The following C2orf72 variants were observed in gnomAD, a reference collection of about 807,000 sequenced individuals.
The protein encoded by C2orf72 is uncharacterized protein C2orf72.
In C2orf72, 16 loss-of-function variants were observed where a neutral mutation model predicts 14.4. The observed-to-expected ratio is 1.11, with a 90% confidence interval of 0.75 to 1.69. C2orf72 has a LOEUF of 1.69. Among genes scored for constraint, C2orf72 ranks in the 40% most tolerant of loss-of-function variants. The pLI, the probability that C2orf72 is intolerant of heterozygous loss-of-function variation, is 0.00. For synonymous variants in C2orf72, 168 were observed against 176.8 expected (o/e 0.95, Z 0.40); for missense variants, 371 against 358.3 (o/e 1.04, Z -0.29).
At chr2:231,046,820 CCTAGATAACTCACTCA>C in intron 2 of C2orf72, 46 bp from the exon 3 acceptor site, 1 of 1,478,732 alleles carries the variant, frequency 6.8e-7, no homozygotes, top group Non-Finnish European at 9.0e-7. Context: ...CCTTTTCCTT[CCTAGATAACTCACTCA>C]CAACCTTTCT....
At chr2:231,042,051 C>T (rs989596418) in intron 2 of C2orf72, among the ~76,000 whole-genome samples, 3 of 152,064 alleles carry the variant, frequency 2.0e-5, no homozygotes, top group Admixed American at 2.0e-4. Flanking sequence ...GGAGACACCT[C>T]GGCAGAGCCC....
chr2:231,041,320 G>T lies in C2orf72; in HGVS notation c.659G>T (p.Gly220Val). Residue 220 changes from glycine to valine, a missense_variant, in exon 2 of 3, where the codon GGC (glycine) becomes GTC (valine). Gly to Val is a moderately radical substitution (Grantham distance 109). Around this residue, in one of 3 missense-constraint regions of C2orf72, gnomAD observed 145 missense variants for 149.4 expected, o/e 0.97. Transcript: ENST00000373640. ...GTGGAAGGAGCCTGGGAGAGGCCAG[G>T]CCTCCCCGGACTGCTAGCCTGCTTT... ...QPVEGAWERPGLPGLLACFSW... is the reference protein window; with the variant it reads ...QPVEGAWERPVLPGLLACFSW... 6.4e-7 allele frequency: 1 copy of T among 1,551,308 alleles called. No homozygotes were observed. The highest frequency in any genetic ancestry group is 8.7e-7 in the Non-Finnish European group (1 of 1,146,802).
At position 231,048,935 on chromosome 2, in the gene C2orf72, G is replaced by C. The variant is rs1046625274; in HGVS notation, c.*1914G>C. 1 of 152,146 alleles carries C rather than the reference G, an allele frequency of 6.6e-6. No homozygotes were observed. The highest frequency in any genetic ancestry group is 1.5e-5 in the Non-Finnish European group (1 of 68,028). The allele number at this position is 152,146 out of a possible 1,614,324, so 9.4% of individuals were successfully genotyped here. A position where few individuals can be genotyped will look rare whatever the true frequency, so the allele number is the denominator to read the frequency against. On this transcript the variant is annotated 3_prime_UTR_variant, in exon 3 of 3. Transcript: ENST00000373640. ...TCTTATTAAAGTTTTCTTATTTAGT[G>C]GGAGAGGGAGCTTTGTTTAAGTTTG...
intron 2 of C2orf72, among the ~76,000 whole-genome samples, chr2:231,041,963 C>T (rs1179537276): frequency 6.6e-6 from 1 of 152,042 alleles, no homozygotes; most frequent in African/African-American, 2.4e-5. Context: ...AGATGTGCAG[C>T]CTTCAGGAGT....
chr2:231,041,532 C>A (rs761980122), intron 2 of C2orf72, 123 bp downstream of exon 2: 1 of 691,852 alleles, frequency 1.4e-6, no homozygotes, highest in Non-Finnish European at 2.4e-6. Flanking sequence ...TTGCCATGTG[C>A]CAGGTGTGGG....
chr2:231,039,123 T>C (rs968237753), intron 1 of C2orf72, among the ~76,000 whole-genome samples: 1 of 151,522 alleles, frequency 6.6e-6, no homozygotes, highest in African/African-American at 2.4e-5. Flanking sequence ...AATTGAATAA[T>C]GAGAACACAT....
Position 231,037,765 on chromosome 2 carries a change from G to A in C2orf72, c.200G>A (p.Gly67Asp). ...FPPEPGAAKP[G>D]GAAAEGAGPG... ...CCGGAGCCAGGCGCGGCCAAGCCGG[G>A]CGGCGCGGCGGCAGAGGGCGCGGGG... Residue 67 changes from glycine to aspartate, a missense_variant, in exon 1 of 3, where the codon GGC becomes GAC. Physicochemically the swap from Gly to Asp is moderately conservative, Grantham distance 94 (BLOSUM62 -1). Transcript: ENST00000373640. The A allele has an allele frequency of 2.0e-6, 2 of 992,836 alleles. No homozygotes were observed. The highest frequency in any genetic ancestry group is 2.4e-6 in the Non-Finnish European group (2 of 836,554). 61.5% of individuals were successfully genotyped at this position (992,836 alleles called of 1,614,324 possible).
chr2:231,045,778 A>G (rs1331536892), intron 2 of C2orf72, among the ~76,000 whole-genome samples: 1 of 152,058 alleles, frequency 6.6e-6, no homozygotes, highest in African/African-American at 2.4e-5. Flanking sequence ...TTGACCTCCC[A>G]AAGTGCTGGG....
intron 1 of C2orf72, 80 bp from the exon 2 acceptor site, chr2:231,041,216 T>C (rs973915217): frequency 1.6e-5 from 17 of 1,034,174 alleles, no homozygotes; most frequent in Non-Finnish European, 2.8e-6. Context: ...TTGGGGCACT[T>C]GATTTGCTAA....
rs186824458 is a variant in C2orf72 at position 231,038,459 on chromosome 2, G to A, written c.634+260G>A. On this transcript the variant is annotated intron_variant, in intron 1 of 2. Transcript: ENST00000373640. ...CTGAGGGGCCGAGTAGAAGGCAGAG[G>A]GAGTGGGTAGAGAGAAGGGATGAAT... Among the ~76,000 whole-genome samples the A allele has an allele frequency of 1.8e-3, 275 of 150,862 alleles. 1 individual carries two copies. Among genetic ancestry groups the A allele is most frequent in the African/African-American group, 6.2e-3 (256 of 41,132 alleles).
rs1693466450 is a variant in C2orf72, at chr2:231,049,676, A to T, written c.*2655A>T. 6.6e-6 allele frequency: 1 copy of T among 152,060 alleles called. No individual in the cohort carries two copies. Among genetic ancestry groups the T allele is most frequent in the African/African-American group, 2.4e-5 (1 of 41,444 alleles). The allele number at this position is 152,060 out of a possible 1,614,324, so 9.4% of individuals were successfully genotyped here. A position where few individuals can be genotyped will look rare whatever the true frequency, so the allele number is the denominator to read the frequency against. ...CTTGAATTGATAATTCTCATATCTA[A>T]TAAAACCAAGAAGTACCTCGTTGAT... On this transcript the variant is annotated 3_prime_UTR_variant, in exon 3 of 3. Transcript: ENST00000373640.
At chr2:231,039,628 T>A (rs114721155) in intron 1 of C2orf72, among the ~76,000 whole-genome samples, 2,713 of 152,246 alleles carry the variant, frequency 0.018, 43 homozygotes, top group Middle Eastern at 0.027. Flanking sequence ...TAGGGTGCAA[T>A]CCATTTTTTT....
At chr2:231,040,260 C>T (rs935081870) in intron 1 of C2orf72, among the ~76,000 whole-genome samples, 1 of 152,214 alleles carries the variant, frequency 6.6e-6, no homozygotes, top group Non-Finnish European at 1.5e-5. Flanking sequence ...CACATGATTT[C>T]GTTCCCTTGT....
Position 231,044,998 on chromosome 2 carries a change from T to G in C2orf72, c.749-1884T>G, listed in dbSNP as rs536821917. Among the ~76,000 whole-genome samples the G allele has an allele frequency of 1.7e-4, 25 of 149,166 alleles. No individual in the cohort carries two copies. In the Middle Eastern group the frequency reaches 0.011, roughly 64 times the overall value. ...ACACATATAAGTAGAGGGAGTACACTCTAAAATAATGTTAAAACATATAGT... is the reference window on the plus strand; with the variant it reads ...ACACATATAAGTAGAGGGAGTACACGCTAAAATAATGTTAAAACATATAGT... On this transcript the variant is annotated intron_variant, in intron 2 of 2. Coordinates refer to ENST00000373640, the MANE Select transcript of C2orf72 (RefSeq NM_001144994.2).
intron 1 of C2orf72, 48 bp from the exon 2 acceptor site, chr2:231,041,248 A>G (rs1693335997): frequency 1.5e-6 from 2 of 1,339,550 alleles, no homozygotes; most frequent in South Asian, 2.7e-5. Flanking sequence ...CAGTCTTGTG[A>G]AGTGGGAACC....
In C2orf72 at chr2:231,038,147, C is replaced by G. The variant is rs1012769163; in HGVS notation, c.582C>G (p.Ala194=). The change falls in exon 1 of 3, where the codon GCC becomes GCG. Residue 194 remains alanine (A), a synonymous_variant. Coordinates refer to ENST00000373640, the MANE Select transcript of C2orf72 (RefSeq NM_001144994.2). ...CCGGCCTCCCGGCCTCCTGCCTGGC[C>G]GTCCAGGCGGCCGCCTGCAGGGCCC... is the stretch of plus-strand genomic sequence containing the variant. ...YCPGLPASCL[A]VQAAACRALQ... 1.2e-5 allele frequency: 14 copies of G among 1,190,774 alleles called. No individual in the cohort carries two copies. The highest frequency in any genetic ancestry group is 4.5e-5 in the Admixed American group (1 of 22,188). The allele number at this position is 1,190,774 out of a possible 1,614,324, so 73.8% of individuals were successfully genotyped here. A position where few individuals can be genotyped will look rare whatever the true frequency, so the allele number is the denominator to read the frequency against.
chr2:231,046,783 G>C, intron 2 of C2orf72, 99 bp from the exon 3 acceptor site: 1 of 1,231,374 alleles, frequency 8.1e-7, no homozygotes, highest in Non-Finnish European at 1.1e-6. Flanking sequence ...TGTTTTTTAA[G>C]TAGGTATTTG....
chr2:231,045,906 G>T (rs1421474078), intron 2 of C2orf72, among the ~76,000 whole-genome samples: 2 of 152,170 alleles, frequency 1.3e-5, no homozygotes, highest in Non-Finnish European at 2.9e-5. Flanking sequence ...TGTACTTACT[G>T]TTTTGGAATC....
Position 231,041,364 on chromosome 2 carries a change from C to G in C2orf72, c.703C>G (p.Arg235Gly). The G allele has an allele frequency of 1.9e-6, 3 of 1,551,524 alleles. No homozygotes were observed. Among genetic ancestry groups the G allele is most frequent in the Non-Finnish European group, 2.6e-6 (3 of 1,146,928 alleles). ...CTGCTTTTCCTGGGGTCCCTGGAGC[C>G]GGAGGAAGAACCAGGATGTTGCTGC... ...LACFSWGPWS[R>G]RKNQDVAACR... is the part of the protein sequence containing the mutation. Residue 235 changes from arginine (R) to glycine (G), a missense_variant, in exon 2 of 3, where the codon CGG (arginine) becomes GGG (glycine). Arg to Gly is a moderately radical substitution (Grantham distance 125, BLOSUM62 -2). Around this residue, in one of 3 missense-constraint regions of C2orf72, gnomAD observed 145 missense variants for 149.4 expected, o/e 0.97. Coordinates refer to ENST00000373640, the MANE Select transcript of C2orf72 (RefSeq NM_001144994.2).
Sources: gnomAD v4.1 joint callset for allele counts (sites outside exome capture counted in the v4.1 genomes callset) on GRCh38, gnomAD v4.1.1 for gene constraint, gnomAD v4.1.1 regional missense constraint, MANE v1.5 for transcripts, NCBI Gene and HGNC (gene_info 2026-07-23, HGNC 2026-07-21) for gene names.